The following AFAP1 variants were observed in gnomAD, a reference collection of about 807,000 sequenced individuals.
AFAP1 encodes actin filament-associated protein 1.
In AFAP1, 75 loss-of-function variants were observed where a neutral mutation model predicts 93.9. That is an observed-to-expected ratio of 0.80 (90% CI 0.66 to 0.97). The LOEUF (loss-of-function observed/expected upper bound fraction) is 0.97, where lower values mean the gene tolerates loss of function less well. Ranked by LOEUF, AFAP1 falls within the 50% of genes least tolerant of loss-of-function variation. AFAP1 has a pLI of 0.00. For missense variants in AFAP1, 1,201 were observed against 1,050.8 expected (o/e 1.14, Z -1.98); for synonymous variants, 517 against 430.7 (o/e 1.20, Z -2.48).
chr4:7,766,253 G>C (rs1232466698), intron 17 of AFAP1, among the ~76,000 whole-genome samples: 2 of 152,154 alleles, frequency 1.3e-5, no homozygotes, highest in East Asian at 1.9e-4. Flanking sequence ...CAGCCTCCCT[G>C]GGACAGCTAT....
chr4:7,863,394 G>C (rs1715972096), intron 3 of AFAP1, among the ~76,000 whole-genome samples: 1 of 152,158 alleles, frequency 6.6e-6, no homozygotes, highest in Admixed American at 6.5e-5. Context: ...ACTCCAGCCT[G>C]GGCGACAAAG....
intron 10 of AFAP1, among the ~76,000 whole-genome samples, chr4:7,797,818 A>G (rs983897979): frequency 6.6e-6 from 1 of 152,170 alleles, no homozygotes; most frequent in Non-Finnish European, 1.5e-5. Context: ...TTTAGGGATA[A>G]AAGCACAACA....
intron 4 of AFAP1, among the ~76,000 whole-genome samples, chr4:7,852,085 A>AT (rs1456502247): frequency 6.6e-6 from 1 of 152,198 alleles, no homozygotes; most frequent in Non-Finnish European, 1.5e-5. Context: ...TGAATATCCA[A>AT]TTATAGTGCC....
At chr4:7,817,773 A>AAC (rs1436837511) in intron 7 of AFAP1, among the ~76,000 whole-genome samples, 3 of 151,864 alleles carry the variant, frequency 2.0e-5, no homozygotes, top group Non-Finnish European at 4.4e-5. Context: ...AGTAAAAAAA[A>AAC]AAAAGCAGTA....
chr4:7,855,599 C>A (rs1389541275), intron 3 of AFAP1, 25 bp from the exon 4 acceptor site: 6 of 1,529,196 alleles, frequency 3.9e-6, no homozygotes, highest in Admixed American at 3.3e-5. Context: ...AAAAGTGACA[C>A]AGAAATTAGC....
At position 7,916,943 on chromosome 4, in the gene AFAP1, T is replaced by G. The variant is rs1720115480; in HGVS notation, c.-3+22713A>C. On this transcript the variant is annotated intron_variant, in intron 1 of 17. Coordinates refer to ENST00000420658, the MANE Select transcript of AFAP1 (RefSeq NM_001134647.2). ...CCAGACACTGAATGTATTCACTGAA[T>G]GCACTATTTCTTGAAATGATCGTAA... Among the ~76,000 whole-genome samples, 3 of 152,200 alleles carry G rather than the reference T, an allele frequency of 2.0e-5. 1 individual carries two copies. Among genetic ancestry groups the G allele is most frequent in the Admixed American group, 2.0e-4 (3 of 15,284 alleles).
intron 9 of AFAP1, among the ~76,000 whole-genome samples, chr4:7,807,450 C>G (rs1719624945): frequency 1.3e-5 from 2 of 152,188 alleles, no homozygotes; most frequent in Admixed American, 1.3e-4. Flanking sequence ...CCTCTGACAG[C>G]ACTTCGGCAG....
At chr4:7,908,167 A>C (rs1021152873) in intron 1 of AFAP1, among the ~76,000 whole-genome samples, 4 of 151,602 alleles carry the variant, frequency 2.6e-5, no homozygotes, top group African/African-American at 9.7e-5. Flanking sequence ...AGCCGAGATC[A>C]CACCACTGTA....
chr4:7,780,840 T>C (rs1560153343), intron 13 of AFAP1, among the ~76,000 whole-genome samples: 3 of 152,082 alleles, frequency 2.0e-5, no homozygotes, highest in Admixed American at 1.3e-4. Flanking sequence ...AACACCACCG[T>C]ACTCTGAATA....
At chr4:7,788,565 G>A (rs559497132) in intron 11 of AFAP1, 7 of 152,346 alleles carry the variant, frequency 4.6e-5, no homozygotes, top group South Asian at 2.1e-4. Flanking sequence ...AAAAGTATAC[G>A]TAGGAAAATA....
In AFAP1 at chr4:7,872,185, G is replaced by C. The variant is rs143293471; in HGVS notation, c.-2-105C>G. Reference sequence around the variant, plus strand: ...GCATTTCATGTTTAGCTTGATCATTGGATATAGTATTCTGACCTAAAAAAC... The same window carrying C: ...GCATTTCATGTTTAGCTTGATCATTCGATATAGTATTCTGACCTAAAAAAC... On this transcript the variant is annotated intron_variant, in intron 1 of 17. Coordinates refer to ENST00000420658, the MANE Select transcript of AFAP1 (RefSeq NM_001134647.2). The C allele has an allele frequency of 4.2e-5, 60 of 1,428,084 alleles. No homozygotes were observed. In the African/African-American group the frequency reaches 7.8e-4, roughly 19 times the overall value. The allele number at this position is 1,428,084 out of a possible 1,614,324, so 88.5% of individuals were successfully genotyped here. A position where few individuals can be genotyped will look rare whatever the true frequency, so the allele number is the denominator to read the frequency against.
chr4:7,786,021 GAT>G (rs1443140981), intron 12 of AFAP1, among the ~76,000 whole-genome samples, 171 bp downstream of exon 12: 1 of 152,224 alleles, frequency 6.6e-6, no homozygotes, highest in Non-Finnish European at 1.5e-5. Flanking sequence ...TGCAGATTCA[GAT>G]AAACAGCATG....
chr4:7,800,000 G>T (rs1718868122), intron 10 of AFAP1, among the ~76,000 whole-genome samples: 1 of 152,194 alleles, frequency 6.6e-6, no homozygotes, highest in Non-Finnish European at 1.5e-5. Flanking sequence ...CATCTGTAAA[G>T]AAGTCCAGAA....
chr4:7,778,672 C>G (rs748054458), intron 14 of AFAP1, 90 bp downstream of exon 14: 20 of 1,253,908 alleles, frequency 1.6e-5, no homozygotes, highest in Non-Finnish European at 2.3e-5. Context: ...TGACCCCAAG[C>G]TGGCACTCAC....
At chr4:7,895,055 T>C (rs898444587) in intron 1 of AFAP1, among the ~76,000 whole-genome samples, 2 of 152,224 alleles carry the variant, frequency 1.3e-5, no homozygotes, top group South Asian at 2.1e-4. Flanking sequence ...ACATCGTTGG[T>C]CTCACACACC....
At chr4:7,853,483 C>T (rs113561717) in intron 4 of AFAP1, among the ~76,000 whole-genome samples, 22 of 152,238 alleles carry the variant, frequency 1.4e-4, no homozygotes, top group African/African-American at 3.4e-4. Flanking sequence ...TCAGGAGAGA[C>T]GCAGGCTCCC....
intron 1 of AFAP1, among the ~76,000 whole-genome samples, chr4:7,912,537 G>C (rs1249670613): frequency 6.6e-6 from 1 of 152,242 alleles, no homozygotes; most frequent in South Asian, 2.1e-4. Flanking sequence ...GCATTTTTCT[G>C]ACGGCTAATG....
chr4:7,832,032 C>T (rs925094274), intron 6 of AFAP1, among the ~76,000 whole-genome samples: 1 of 152,172 alleles, frequency 6.6e-6, no homozygotes, highest in African/African-American at 2.4e-5. Flanking sequence ...GGTAGCACTT[C>T]GCCCACCTGA....
chr4:7,837,383 G>A (rs938993617), intron 6 of AFAP1, among the ~76,000 whole-genome samples: 38 of 152,138 alleles, frequency 2.5e-4, no homozygotes, highest in Non-Finnish European at 5.1e-4. Context: ...CCTTATAAAA[G>A]AGGCCCCAGA....
Sources: gnomAD v4.1 joint callset for allele counts (sites outside exome capture counted in the v4.1 genomes callset) on GRCh38, gnomAD v4.1.1 for gene constraint, MANE v1.5 for transcripts, NCBI Gene and HGNC (gene_info 2026-07-23, HGNC 2026-07-21) for gene names.